Variants in TGIF1 observed in about 807,000 individuals in gnomAD.
TGIF1 encodes the protein TGFB induced factor homeobox 1.
TGIF1 carries 4 observed loss-of-function variants against 19.3 expected under a neutral mutation model. The ratio of observed to expected loss-of-function variants is 0.21; its 90% CI spans 0.10 to 0.47. TGIF1 has a LOEUF of 0.47. Among genes scored for constraint, TGIF1 ranks in the 20% least tolerant of loss-of-function variants. The probability of loss-of-function intolerance (pLI) is 0.98; values close to 1 mark genes in which losing one functional copy is unlikely to be tolerated. For synonymous variants in TGIF1, 122 were observed against 129.3 expected (o/e 0.94, Z 0.38); for missense variants, 275 against 341.4 (o/e 0.81, Z 1.53).
chr18:3,442,086 C>T (rs1350421195), intron 2 of TGIF1, among the ~76,000 whole-genome samples: 1 of 152,150 alleles, frequency 6.6e-6, no homozygotes, highest in Non-Finnish European at 1.5e-5. Context: ...GGAGAATAAA[C>T]ATCTTTATAT....
chr18:3,449,751 G>C (rs1356816482), upstream of TGIF1: 2 of 985,398 alleles, frequency 2.0e-6, no homozygotes, highest in Non-Finnish European at 2.4e-6. Flanking sequence ...AGTAGAGTTC[G>C]GGGCAGCTGT....
chr18:3,414,530 T>A (rs1250690767), intron 1 of TGIF1, among the ~76,000 whole-genome samples: 1 of 152,200 alleles, frequency 6.6e-6, no homozygotes, highest in Non-Finnish European at 1.5e-5. Flanking sequence ...ACCGTGAATC[T>A]AATCTTGTAC....
At chr18:3,423,267 C>T (rs75812008) in intron 2 of TGIF1, among the ~76,000 whole-genome samples, 2,219 of 152,242 alleles carry the variant, frequency 0.015, 26 homozygotes, top group Non-Finnish European at 0.022. Flanking sequence ...ATAGGCATGG[C>T]TGGGCGTGGT....
At chr18:3,412,110 C>A in exon 1 of TGIF1, 1 of 154,146 alleles carries the variant, frequency 6.5e-6, no homozygotes. Flanking sequence ...CAGCCTTCGC[C>A]GAGGGCCGCA....
At chr18:3,420,456 G>C (rs1158032536) in intron 2 of TGIF1, among the ~76,000 whole-genome samples, 1 of 151,860 alleles carries the variant, frequency 6.6e-6, no homozygotes, top group East Asian at 1.9e-4. Context: ...CAAAGAATAA[G>C]AGCAATGAAA....
chr18:3,417,785 T>C (rs1485285164), intron 1 of TGIF1, among the ~76,000 whole-genome samples: 1 of 152,190 alleles, frequency 6.6e-6, no homozygotes, highest in Admixed American at 6.5e-5. Flanking sequence ...AATTGACATA[T>C]ATCACTTTTG....
chr18:3,447,898 T>A (rs2082772884), upstream of TGIF1: 1 of 1,537,314 alleles, frequency 6.5e-7, no homozygotes, highest in Non-Finnish European at 9.0e-7. Flanking sequence ...TTTCAAGCTA[T>A]AAACCCTTTC....
intron 2 of TGIF1, among the ~76,000 whole-genome samples, chr18:3,439,888 G>A (rs58997456): frequency 0.06 from 9,173 of 151,870 alleles, 870 homozygotes; most frequent in African/African-American, 0.2. Flanking sequence ...AGGCGTTGTC[G>A]TGGGCGCCTT....
intron 1 of TGIF1, among the ~76,000 whole-genome samples, chr18:3,450,769 C>A (rs2082888742): frequency 6.6e-6 from 1 of 152,196 alleles, no homozygotes; most frequent in Admixed American, 6.5e-5. Context: ...CTTGTTTGTG[C>A]GCCTGCAAGT....
chr18:3,449,538 T>TTGGCCC, upstream of TGIF1: 14 of 961,916 alleles, frequency 1.5e-5, no homozygotes, highest in South Asian at 4.9e-5. Flanking sequence ...GTCTCATCAT[T>TTGGCCC]CCCCCCCGCC....
chr18:3,447,644 T>G (rs536636411), upstream of TGIF1: 1 of 1,415,932 alleles, frequency 7.1e-7, no homozygotes, highest in Admixed American at 1.7e-5. Flanking sequence ...GGGGTGCATC[T>G]ACGGGAGCGG....
upstream of TGIF1, chr18:3,448,708 C>A: frequency 1.2e-5 from 3 of 247,658 alleles, no homozygotes; most frequent in Non-Finnish European, 1.6e-5. Flanking sequence ...ATTCTAGGGG[C>A]GGGGGTGTCT....
intron 2 of TGIF1, among the ~76,000 whole-genome samples, chr18:3,429,283 G>C (rs1331650426): frequency 6.6e-6 from 1 of 151,914 alleles, no homozygotes; most frequent in African/African-American, 2.4e-5. Context: ...GGCTGGTCTT[G>C]AACTTCTTGC....
At chr18:3,438,596 A>AACACACACACACACACACACAC (rs56864804) in intron 2 of TGIF1, among the ~76,000 whole-genome samples, 4,596 of 135,982 alleles carry the variant, frequency 0.034, 171 homozygotes, top group Middle Eastern at 0.057. Flanking sequence ...CATACACACA[A>AACACACACACACACACACACAC]ACACACACAC....
At position 3,451,824 on chromosome 18, in the gene TGIF1, G is replaced by C. The variant is rs914774732; in HGVS notation, c.16+1319G>C. 12 of 1,348,648 alleles carry C rather than the reference G, an allele frequency of 8.9e-6. No individual in the cohort carries two copies. Among genetic ancestry groups the C allele is most frequent in the Non-Finnish European group, 1.1e-5 (12 of 1,050,122 alleles). 83.5% of individuals were successfully genotyped at this position (1,348,648 alleles called of 1,614,324 possible). On this transcript the variant is annotated intron_variant, in intron 1 of 2. Transcript: ENST00000343820. The surrounding 1 kb of genome is among the most constrained non-coding windows in gnomAD (Gnocchi z 5.4). ...CCCGCGGGACGGAGGGAGGACTCGG[G>C]ACAGGGAATTGGCCCTGGGAGAAAA... is the stretch of plus-strand genomic sequence containing the variant.
chr18:3,437,195 C>T (rs1171847462), intron 2 of TGIF1, among the ~76,000 whole-genome samples: 1 of 152,040 alleles, frequency 6.6e-6, no homozygotes, highest in Non-Finnish European at 1.5e-5. Context: ...TCCTCCAAAC[C>T]TTCTCAACTG....
At chr18:3,442,536 AAAAAG>A (rs1485261186) in intron 2 of TGIF1, among the ~76,000 whole-genome samples, 1 of 152,154 alleles carries the variant, frequency 6.6e-6, no homozygotes, top group East Asian at 1.9e-4. Context: ...TTATCATTTT[AAAAAG>A]AAAAGAAAAA....
chr18:3,457,720 T>C lies in TGIF1; in HGVS notation c.599T>C (p.Ile200Thr), dbSNP rs760578207. ...GTCGGTGTGGGACAAAACACAGATATACAGCAGATAGCGGCCAAAAACTTC... is the reference window on the plus strand; with the variant it reads ...GTCGGTGTGGGACAAAACACAGATACACAGCAGATAGCGGCCAAAAACTTC... ...QSVGVGQNTDIQQIAAKNFTD... is the reference protein window; with the variant it reads ...QSVGVGQNTDTQQIAAKNFTD... The change falls in exon 3 of 3, where the codon ATA becomes ACA. Residue 200 changes from isoleucine (I) to threonine (T), a missense_variant. Ile to Thr is a moderately conservative substitution (Grantham distance 89). Transcript: ENST00000343820. This position sits in a 1 kb window ranked among gnomAD's most constrained non-coding sequence, Gnocchi z 4.9. 14 of 1,614,094 alleles carry C rather than the reference T, an allele frequency of 8.7e-6. No homozygotes were observed. In the East Asian group the frequency reaches 1.8e-4, roughly 21 times the overall value.
chr18:3,448,593 G>A (rs1278786621), upstream of TGIF1: 1 of 985,418 alleles, frequency 1.0e-6, no homozygotes, highest in South Asian at 4.7e-5. Flanking sequence ...GAAAAAAATC[G>A]TAAGGTTGCT....
Sources: allele counts gnomAD v4.1 joint callset (sites outside exome capture counted in the v4.1 genomes callset), GRCh38; gene constraint gnomAD v4.1.1; non-coding constraint Gnocchi (gnomAD v3.1); transcripts MANE v1.5; gene names NCBI Gene and HGNC (gene_info 2026-07-23, HGNC 2026-07-21).